Variants in ZZZ3 observed in about 807,000 individuals in gnomAD.
The protein encoded by ZZZ3 is zinc finger ZZ-type containing 3.
In ZZZ3, 22 loss-of-function variants were observed where a neutral mutation model predicts 95.2. The observed-to-expected ratio is 0.23, with a 90% CI of 0.17 to 0.33. The LOEUF (loss-of-function observed/expected upper bound fraction) is 0.33. Among genes scored for constraint, ZZZ3 ranks in the 10% least tolerant of loss-of-function variants. ZZZ3 has a pLI of 1.00. For synonymous variants in ZZZ3, 335 were observed against 358.9 expected (o/e 0.93, Z 0.75); for missense variants, 885 against 1,066.5 (o/e 0.83, Z 2.37).
Position 77,564,252 on chromosome 1 carries a change from G to T in ZZZ3, c.*1388C>A, listed in dbSNP as rs189583825. 1 of 152,086 alleles carries T rather than the reference G, an allele frequency of 6.6e-6. No individual in the cohort carries two copies. The highest frequency in any genetic ancestry group is 1.5e-5 in the Non-Finnish European group (1 of 67,956). 9.4% of individuals were successfully genotyped at this position (152,086 alleles called of 1,614,324 possible). ...TTGCCTTTTTCTTTAACCATGGTCC[G>T]TGTTTCCTTTTTGTAAGCTAGTTTA... On this transcript the variant is annotated 3_prime_UTR_variant, in exon 15 of 15. Transcript: ENST00000370801.
upstream of ZZZ3, among the ~76,000 whole-genome samples, chr1:77,683,035 C>T (rs997976670): frequency 6.9e-6 from 1 of 144,820 alleles, no homozygotes; most frequent in African/African-American, 2.6e-5. Context: ...GCCCTCCCCG[C>T]CCCCCCTTTC....
At chr1:77,627,144 G>T (rs1667408732) in intron 5 of ZZZ3, among the ~76,000 whole-genome samples, 1 of 152,128 alleles carries the variant, frequency 6.6e-6, no homozygotes, top group Non-Finnish European at 1.5e-5. Context: ...ACCAAGTATA[G>T]TTCAAACTAG....
In ZZZ3 at chr1:77,597,038, C is replaced by CCCTA. The variant is rs202201841; in HGVS notation, c.1506-12384_1506-12383insTAGG. On this transcript the variant is annotated intron_variant, in intron 5 of 14. Coordinates refer to ENST00000370801, the MANE Select transcript of ZZZ3 (RefSeq NM_015534.6). ...TTCTAATACCATTCTCCAATAGGAA[C>CCCTA]TAGGGTTCCCTGGACAGATGGCCGA... is the stretch of plus-strand genomic sequence containing the variant. Among the ~76,000 whole-genome samples, 131 of 152,164 alleles carry CCCTA rather than the reference C, an allele frequency of 8.6e-4. 1 individual carries two copies. The East Asian group carries it at 0.022, about 25-fold the overall frequency.
intron 5 of ZZZ3, among the ~76,000 whole-genome samples, chr1:77,599,455 T>C (rs1355019856): frequency 2.0e-5 from 3 of 151,966 alleles, no homozygotes; most frequent in African/African-American, 4.8e-5. Flanking sequence ...ATAAACAAAA[T>C]TCAGAAAAGT....
intron 5 of ZZZ3, among the ~76,000 whole-genome samples, chr1:77,597,961 T>C (rs947544176): frequency 6.6e-6 from 1 of 152,152 alleles, no homozygotes; most frequent in African/African-American, 2.4e-5. Context: ...AAATTGGGTA[T>C]AGAGTATACA....
chr1:77,674,821 G>A (rs1418267187), intron 1 of ZZZ3, among the ~76,000 whole-genome samples: 1 of 151,618 alleles, frequency 6.6e-6, no homozygotes, highest in Non-Finnish European at 1.5e-5. Flanking sequence ...ACATAGTGGC[G>A]TGTGCCTGTA....
rs770360982 is a variant in ZZZ3, at chr1:77,632,983, T to G, written c.372A>C (p.Arg124Ser). The change falls in exon 5 of 15, where the codon AGA (arginine) becomes AGC (serine). Residue 124 changes from arginine (R) to serine (S), a missense_variant. By Grantham distance (110) the Arg-to-Ser change is moderately radical. This residue lies in a region of ZZZ3 where 556 missense variants were observed against 652.9 expected (regional missense o/e 0.85). Coordinates refer to ENST00000370801, the MANE Select transcript of ZZZ3 (RefSeq NM_015534.6). ...PVLKRIKRCL[R>S]SEAPNSSEED... The stretch of plus-strand genomic sequence containing the variant: ...CTTCTGAACTGTTTGGTGCTTCAGA[T>G]CTAAGACAACGCTTAATTCTTTTTA... 1 of 1,614,108 alleles carries G rather than the reference T, an allele frequency of 6.2e-7. No homozygotes were observed. Among genetic ancestry groups the G allele is most frequent in the South Asian group, 1.1e-5 (1 of 91,080 alleles).
chr1:77,571,262 C>A (rs1163425602), intron 12 of ZZZ3, among the ~76,000 whole-genome samples: 1 of 152,076 alleles, frequency 6.6e-6, no homozygotes, highest in Non-Finnish European at 1.5e-5. Flanking sequence ...TCACCTCACA[C>A]CCAGTAGGTG....
chr1:77,675,759 TAAAC>T (rs1217278407), intron 1 of ZZZ3, among the ~76,000 whole-genome samples: 1 of 152,184 alleles, frequency 6.6e-6, no homozygotes. Flanking sequence ...TTTCAAAATG[TAAAC>T]AAACATAAAT....
intron 11 of ZZZ3, among the ~76,000 whole-genome samples, chr1:77,577,051 T>TGTG (rs1468515657): frequency 6.6e-6 from 1 of 152,222 alleles, no homozygotes; most frequent in East Asian, 1.9e-4. Flanking sequence ...ACTAGGCCTA[T>TGTG]GTGGTGCCCA....
intron 5 of ZZZ3, among the ~76,000 whole-genome samples, chr1:77,596,952 C>T (rs1049158249): frequency 6.6e-6 from 1 of 152,016 alleles, no homozygotes; most frequent in Non-Finnish European, 1.5e-5. Context: ...TTTTCTTGCT[C>T]TATCAGCTGA....
At chr1:77,653,614 G>A (rs778008758) in intron 1 of ZZZ3, among the ~76,000 whole-genome samples, 3 of 152,014 alleles carry the variant, frequency 2.0e-5, no homozygotes, top group African/African-American at 7.2e-5. Flanking sequence ...TTAGCCAGGC[G>A]CAGTGGCACA....
intron 1 of ZZZ3, among the ~76,000 whole-genome samples, chr1:77,680,096 C>G (rs557080094): frequency 1.3e-5 from 2 of 152,292 alleles, no homozygotes; most frequent in East Asian, 3.9e-4. Context: ...TTTCCCACTT[C>G]TAAAAATAAT....
At chr1:77,648,438 A>C (rs910018616) in intron 1 of ZZZ3, among the ~76,000 whole-genome samples, 1 of 150,934 alleles carries the variant, frequency 6.6e-6, no homozygotes, top group East Asian at 1.9e-4. Context: ...AGAACTGTAC[A>C]TGACAGTCAC....
intron 1 of ZZZ3, among the ~76,000 whole-genome samples, chr1:77,643,407 T>C (rs939865763): frequency 6.6e-6 from 1 of 152,226 alleles, no homozygotes; most frequent in Non-Finnish European, 1.5e-5. Flanking sequence ...ATTTTTTCAT[T>C]TGAATTATTT....
intron 5 of ZZZ3, among the ~76,000 whole-genome samples, chr1:77,600,169 C>T (rs1392317679): frequency 6.6e-6 from 1 of 151,786 alleles, no homozygotes. Context: ...CTATATTTTC[C>T]TTGTTTTGTT....
intron 1 of ZZZ3, among the ~76,000 whole-genome samples, chr1:77,657,656 A>C (rs763237705): frequency 6.6e-6 from 1 of 152,240 alleles, no homozygotes; most frequent in Non-Finnish European, 1.5e-5. Flanking sequence ...CAAACGTGGA[A>C]TCCAAGAATA....
chr1:77,630,282 T>C (rs576851800), intron 5 of ZZZ3, among the ~76,000 whole-genome samples: 26 of 152,092 alleles, frequency 1.7e-4, no homozygotes, highest in Admixed American at 2.6e-4. Context: ...AAGACGAGCC[T>C]GGGCACCATG....
At chr1:77,647,856 C>T (rs1669434764) in intron 1 of ZZZ3, among the ~76,000 whole-genome samples, 1 of 152,158 alleles carries the variant, frequency 6.6e-6, no homozygotes, top group South Asian at 2.1e-4. Flanking sequence ...CTCAGTACCA[C>T]ACTGCATCAG....
Sources: allele counts gnomAD v4.1 joint callset (sites outside exome capture counted in the v4.1 genomes callset), GRCh38; gene constraint gnomAD v4.1.1; regional missense constraint gnomAD v4.1.1; transcripts MANE v1.5; gene names NCBI Gene and HGNC (gene_info 2026-07-23, HGNC 2026-07-21).